Variants in CHSY3 observed in about 807,000 individuals in gnomAD.
CHSY3 encodes chondroitin sulfate synthase 3.
In CHSY3, 35 loss-of-function variants were observed where a neutral mutation model predicts 67.2. The observed-to-expected ratio is 0.52, with a 90% CI of 0.40 to 0.69. The LOEUF is 0.69. Among genes scored for constraint, CHSY3 ranks in the 30% least tolerant of loss-of-function variants. CHSY3 has a pLI of 0.00. For missense variants in CHSY3, 1,069 were observed against 1,138.5 expected (o/e 0.94, Z 0.88); for synonymous variants, 474 against 434.7 (o/e 1.09, Z -1.12).
At chr5:129,963,796 T>G (rs1255799357) in intron 2 of CHSY3, among the ~76,000 whole-genome samples, 1 of 151,882 alleles carries the variant, frequency 6.6e-6, no homozygotes, top group East Asian at 1.9e-4. Context: ...AATGTCAGTT[T>G]TTTTTTTCCT....
At chr5:130,075,154 G>A (rs79337648) in intron 2 of CHSY3, among the ~76,000 whole-genome samples, 1,660 of 152,090 alleles carry the variant, frequency 0.011, 49 homozygotes, top group East Asian at 0.099. Flanking sequence ...CCTTAAATGC[G>A]CTTAAAATGT....
intron 2 of CHSY3, among the ~76,000 whole-genome samples, chr5:130,136,889 C>G (rs545288907): frequency 6.6e-6 from 1 of 152,226 alleles, no homozygotes; most frequent in African/African-American, 2.4e-5. Context: ...ATAAGTGAGT[C>G]TGTTTACTTC....
Position 130,185,837 on chromosome 5 carries a change from A to AT in CHSY3, c.*48dup, listed in dbSNP as rs746669694. 27 of 1,221,826 alleles carry AT rather than the reference A, an allele frequency of 2.2e-5. No individual in the cohort carries two copies. The highest frequency in any genetic ancestry group is 3.0e-5 in the Non-Finnish European group (27 of 895,498). The allele number at this position is 1,221,826 out of a possible 1,614,324, so 75.7% of individuals were successfully genotyped here. A position where few individuals can be genotyped will look rare whatever the true frequency, so the allele number is the denominator to read the frequency against. ...GCCTTTTTTAAGGGGAGTTTACCTC[A>AT]TTGTTGGTTGTTGTTATTTTTATTG... is the stretch of plus-strand genomic sequence containing the variant. On this transcript the variant is annotated 3_prime_UTR_variant, in exon 3 of 3. Coordinates refer to ENST00000305031, the MANE Select transcript of CHSY3 (RefSeq NM_175856.5).
At chr5:130,136,028 C>T (rs1363182318) in intron 2 of CHSY3, among the ~76,000 whole-genome samples, 3 of 152,082 alleles carry the variant, frequency 2.0e-5, no homozygotes, top group African/African-American at 4.8e-5. Context: ...CCCTTGTGTT[C>T]GTTAAAGCTG....
intron 2 of CHSY3, among the ~76,000 whole-genome samples, chr5:130,087,605 C>A (rs551613594): frequency 6.6e-6 from 1 of 151,742 alleles, no homozygotes; most frequent in East Asian, 1.9e-4. Flanking sequence ...CATGAGTGAA[C>A]TCCCATTCAC....
rs1767574453 is a variant in CHSY3, at chr5:130,110,930, A to C, written c.1087-73299A>C. On this transcript the variant is annotated intron_variant, in intron 2 of 2. Coordinates refer to ENST00000305031, the MANE Select transcript of CHSY3 (RefSeq NM_175856.5). ...TTTGGCTGTGAATTTTTAATAATTTATTTTTATTAAAATAAATTTATTTTA... is the reference window on the plus strand; with the variant it reads ...TTTGGCTGTGAATTTTTAATAATTTCTTTTTATTAAAATAAATTTATTTTA... Among the ~76,000 whole-genome samples, 3 of 151,848 alleles carry C rather than the reference A, an allele frequency of 2.0e-5. No individual in the cohort carries two copies. The South Asian group carries it at 6.2e-4, about 31-fold the overall frequency.
intron 2 of CHSY3, among the ~76,000 whole-genome samples, chr5:130,082,126 G>T (rs962431885): frequency 1.3e-5 from 2 of 151,932 alleles, no homozygotes; most frequent in African/African-American, 4.8e-5. Context: ...CTGAATCCAG[G>T]TTAACCAGAA....
intron 2 of CHSY3, among the ~76,000 whole-genome samples, chr5:130,045,905 C>T (rs986385136): frequency 2.6e-5 from 4 of 151,984 alleles, no homozygotes; most frequent in African/African-American, 4.8e-5. Context: ...AATGACAGGG[C>T]AAGGAGTAAA....
intron 2 of CHSY3, among the ~76,000 whole-genome samples, chr5:129,967,559 A>G (rs1228674553): frequency 6.6e-6 from 1 of 151,862 alleles, no homozygotes; most frequent in Non-Finnish European, 1.5e-5. Context: ...ATTATCTGTG[A>G]AAGCCAAATG....
At chr5:130,080,733 C>G (rs913425990) in intron 2 of CHSY3, among the ~76,000 whole-genome samples, 1 of 151,984 alleles carries the variant, frequency 6.6e-6, no homozygotes, top group African/African-American at 2.4e-5. Flanking sequence ...GCTTCACTTA[C>G]TGTGTGATCA....
At chr5:130,092,903 T>A (rs1396879400) in intron 2 of CHSY3, among the ~76,000 whole-genome samples, 2 of 152,144 alleles carry the variant, frequency 1.3e-5, no homozygotes, top group Non-Finnish European at 2.9e-5. Context: ...AGGTAGTCAG[T>A]TAGGCAATCA....
At chr5:130,159,340 T>A (rs1431472275) in intron 2 of CHSY3, among the ~76,000 whole-genome samples, 1 of 151,758 alleles carries the variant, frequency 6.6e-6, no homozygotes, top group Non-Finnish European at 1.5e-5. Flanking sequence ...ATTTTTTCTA[T>A]TTTTTGTAGT....
At chr5:129,976,580 G>A (rs1266353088) in intron 2 of CHSY3, among the ~76,000 whole-genome samples, 2 of 152,090 alleles carry the variant, frequency 1.3e-5, no homozygotes, top group East Asian at 1.9e-4. Flanking sequence ...TCCTTTTCAT[G>A]AATTTGTATT....
chr5:129,907,438 G>T (rs1435722070), intron 1 of CHSY3, among the ~76,000 whole-genome samples: 1 of 152,122 alleles, frequency 6.6e-6, no homozygotes, highest in Non-Finnish European at 1.5e-5. Flanking sequence ...AATACCAAGT[G>T]CTTCTCAACT....
At chr5:129,929,421 A>G (rs1761225829) in intron 2 of CHSY3, among the ~76,000 whole-genome samples, 1 of 152,190 alleles carries the variant, frequency 6.6e-6, no homozygotes, top group Non-Finnish European at 1.5e-5. Context: ...ATTTAATGTA[A>G]TTGTTTTTCT....
chr5:130,104,266 T>C (rs533903351), intron 2 of CHSY3, among the ~76,000 whole-genome samples: 2 of 152,018 alleles, frequency 1.3e-5, no homozygotes, highest in East Asian at 3.9e-4. Flanking sequence ...ATTAAAGCTG[T>C]TGATTAAACA....
chr5:130,085,283 T>G (rs77039058), intron 2 of CHSY3, among the ~76,000 whole-genome samples: 1 of 152,040 alleles, frequency 6.6e-6, no homozygotes, highest in Middle Eastern at 3.2e-3. Flanking sequence ...ATACACATAT[T>G]TGATCAAATA....
At chr5:130,070,216 C>A (rs1212756289) in intron 2 of CHSY3, among the ~76,000 whole-genome samples, 1 of 152,034 alleles carries the variant, frequency 6.6e-6, no homozygotes, top group Non-Finnish European at 1.5e-5. Context: ...TACTTCTCTT[C>A]ATGAAAATTC....
At chr5:129,939,322 A>G (rs114585049) in intron 2 of CHSY3, among the ~76,000 whole-genome samples, 1,707 of 152,226 alleles carry the variant, frequency 0.011, 39 homozygotes, top group African/African-American at 0.038. Context: ...TTGGATGGGG[A>G]CACAGAGCCA....
Sources: allele counts gnomAD v4.1 joint callset (sites outside exome capture counted in the v4.1 genomes callset), GRCh38; gene constraint gnomAD v4.1.1; transcripts MANE v1.5; gene names NCBI Gene and HGNC (gene_info 2026-07-23, HGNC 2026-07-21).